Variants in LTBP2 observed in about 807,000 individuals in gnomAD.
LTBP2 encodes latent transforming growth factor beta binding protein 2.
LTBP2 carries 103 observed loss-of-function variants against 210.6 expected under a neutral mutation model. The ratio of observed to expected loss-of-function variants is 0.49; its 90% CI spans 0.42 to 0.58. The LOEUF (loss-of-function observed/expected upper bound fraction) is 0.58. Ranked by LOEUF, LTBP2 falls within the 20% of genes least tolerant of loss-of-function variation. LTBP2 has a pLI of 0.00. For missense variants in LTBP2, 2,313 were observed against 2,494.5 expected (o/e 0.93, Z 1.55); for synonymous variants, 1,007 against 1,015.0 (o/e 0.99, Z 0.15).
At chr14:74,559,091 G>T (rs1045101386) in intron 3 of LTBP2, among the ~76,000 whole-genome samples, 27 of 152,156 alleles carry the variant, frequency 1.8e-4, no homozygotes, top group African/African-American at 6.5e-4. Context: ...TTTTTAAATT[G>T]CAGAAACAAG....
In LTBP2 at chr14:74,586,344, A is replaced by G. The variant is rs1359700496; in HGVS notation, c.566-226T>C. 1.3e-5 allele frequency among the ~76,000 whole-genome samples: 2 copies of G among 152,102 alleles called. No homozygotes were observed. The highest frequency in any genetic ancestry group is 2.9e-5 in the Non-Finnish European group (2 of 68,010). ...TGATCTCTGGACAACCAAAGACTATATGGCCAGCTGCAGAGTGGCTCACAC... is the reference window on the plus strand; with the variant it reads ...TGATCTCTGGACAACCAAAGACTATGTGGCCAGCTGCAGAGTGGCTCACAC... On this transcript the variant is annotated intron_variant, in intron 2 of 35. Transcript: ENST00000261978. The surrounding 1 kb of genome is among the most constrained non-coding windows in gnomAD (Gnocchi z 4.6).
At chr14:74,576,981 A>T (rs755772108) in intron 3 of LTBP2, among the ~76,000 whole-genome samples, 5 of 152,134 alleles carry the variant, frequency 3.3e-5, no homozygotes, top group Admixed American at 6.5e-5. Flanking sequence ...CATTTTACAG[A>T]AAGGGACATT....
chr14:74,552,040 C>T (rs767352901), intron 6 of LTBP2, 147 bp downstream of exon 6: 52 of 715,368 alleles, frequency 7.3e-5, no homozygotes, highest in Non-Finnish European at 1.0e-4. Flanking sequence ...TGAAACTTAG[C>T]GCTGAGGGCC....
intron 1 of LTBP2, among the ~76,000 whole-genome samples, chr14:74,604,781 G>A (rs1566657655): frequency 1.3e-5 from 2 of 152,108 alleles, no homozygotes; most frequent in Admixed American, 1.3e-4. Flanking sequence ...GTGAGCCACT[G>A]CGCCCAGCCC....
intron 3 of LTBP2, among the ~76,000 whole-genome samples, chr14:74,565,581 A>G (rs988242490): frequency 6.6e-6 from 1 of 152,238 alleles, no homozygotes; most frequent in Non-Finnish European, 1.5e-5. Context: ...AACATGAGAA[A>G]TCCAAGAAGT....
chr14:74,555,516 G>A lies in LTBP2; in HGVS notation c.1008C>T (p.Pro336=), dbSNP rs899315981. 4 of 1,613,706 alleles carry A rather than the reference G, an allele frequency of 2.5e-6. No homozygotes were observed. Among genetic ancestry groups the A allele is most frequent in the Non-Finnish European group, 3.4e-6 (4 of 1,179,758 alleles). ...GTQQAVPLEH[P]SSPWGLNLTE... is the part of the protein sequence containing the mutation. ...GGGTATCCTTACCCCAGGGGGATGA[G>A]GGGTGCTCCAGAGGTACCGCCTGTT... is the stretch of plus-strand genomic sequence containing the variant. The change falls in exon 4 of 36, where the codon CCC becomes CCT. Residue 336 remains proline, a synonymous_variant. Coordinates refer to ENST00000261978, the MANE Select transcript of LTBP2 (RefSeq NM_000428.3).
chr14:74,563,676 T>C (rs535749516), intron 3 of LTBP2, among the ~76,000 whole-genome samples: 6 of 152,030 alleles, frequency 3.9e-5, no homozygotes, highest in African/African-American at 1.4e-4. Context: ...TGATATGAAA[T>C]TCAAATTTAA....
In LTBP2 at chr14:74,552,165, GCCCAGCTGTGCCGGCACTCA is replaced by G; in HGVS notation, c.1399+2_1399+21del. The G allele has an allele frequency of 6.3e-7, 1 of 1,575,224 alleles. No individual in the cohort carries two copies. The highest frequency in any genetic ancestry group is 8.6e-7 in the Non-Finnish European group (1 of 1,163,544). ...TGGCACTCCTCCCAGGGTCCCGCCG[GCCCAGCTGTGCCGGCACTCA>G]CCCAGCTGGTTGGAGAGCGGCAGTG... On this transcript the variant is annotated splice_donor_variant and splice_donor_5th_base_variant and intron_variant, in intron 6 of 35. Transcript: ENST00000261978. LOFTEE classifies it high-confidence loss of function.
In LTBP2 at chr14:74,611,734, G is replaced by T; in HGVS notation, c.211C>A (p.Leu71Met). 6.2e-7 allele frequency: 1 copy of T among 1,603,104 alleles called. No individual in the cohort carries two copies. Residue 71 changes from leucine to methionine, a missense_variant, in exon 1 of 36, where the codon CTG becomes ATG. By Grantham distance (15) the Leu-to-Met change is conservative. Around this residue, in one of 3 missense-constraint regions of LTBP2, gnomAD observed 1,867 missense variants for 1,976.9 expected, o/e 0.94. Coordinates refer to ENST00000261978, the MANE Select transcript of LTBP2 (RefSeq NM_000428.3). ...ACAGGCGCGTCCTGCTCCCGGAACA[G>T]ACTGTACACCTTGGCTGCAGCCGCT... ...PAAAAAKVYS[L>M]FREQDAPVAG...
chr14:74,558,325 G>A lies in LTBP2; in HGVS notation c.831-2632C>T, dbSNP rs896557905. On this transcript the variant is annotated intron_variant, in intron 3 of 35. Transcript: ENST00000261978. ...CACGAGAATCGCTTGAACCCAGGAG[G>A]TGGAGGTTGCAGTGAGCCAAGATCA... 1.4e-4 allele frequency among the ~76,000 whole-genome samples: 22 copies of A among 152,328 alleles called. 1 individual carries two copies. The highest frequency in any genetic ancestry group is 5.3e-4 in the African/African-American group (22 of 41,570).
chr14:74,544,769 TC>T (rs1379539672), intron 8 of LTBP2, among the ~76,000 whole-genome samples: 5 of 152,226 alleles, frequency 3.3e-5, no homozygotes, highest in Non-Finnish European at 7.3e-5. Context: ...AAAAATCTGT[TC>T]TTGGTAGTCA....
In LTBP2 at chr14:74,542,452, A is replaced by G. The variant is rs539237786; in HGVS notation, c.1790-6452T>C. Among the ~76,000 whole-genome samples, 118 of 152,206 alleles carry G rather than the reference A, an allele frequency of 7.8e-4. No homozygotes were observed. In the Middle Eastern group the frequency reaches 0.01, roughly 13 times the overall value. ...AGAGTGTCTGGCCACAGGGCTGTTT[A>G]CAAGCTGTGCCAATCTCAGCCTGTG... is the stretch of plus-strand genomic sequence containing the variant. On this transcript the variant is annotated intron_variant, in intron 8 of 35. Coordinates refer to ENST00000261978, the MANE Select transcript of LTBP2 (RefSeq NM_000428.3).
Position 74,506,827 on chromosome 14 carries a change from T to C in LTBP2, c.3908-4A>G. Reference sequence around the variant, plus strand: ...TCGTTGGCGCACTCGTCTATGTCTGTGGGACAGTGGGAACCAGGATAGAGG... The same window carrying C: ...TCGTTGGCGCACTCGTCTATGTCTGCGGGACAGTGGGAACCAGGATAGAGG... On this transcript the variant is annotated splice_region_variant and splice_polypyrimidine_tract_variant and intron_variant, in intron 26 of 35. Coordinates refer to ENST00000261978, the MANE Select transcript of LTBP2 (RefSeq NM_000428.3). 6.2e-7 allele frequency: 1 copy of C among 1,613,710 alleles called. No homozygotes were observed. Among genetic ancestry groups the C allele is most frequent in the Non-Finnish European group, 8.5e-7 (1 of 1,179,950 alleles).
chr14:74,508,528 G>A lies in LTBP2; in HGVS notation c.3652+76C>T. 3 of 1,555,914 alleles carry A rather than the reference G, an allele frequency of 1.9e-6. No individual in the cohort carries two copies. The South Asian group carries it at 3.5e-5, about 18-fold the overall frequency. ...TCTAGTCTTAGCCTGTAGCGCCCAT[G>A]CTCCTGACCAGTAGAGGTAGCTGTG... On this transcript the variant is annotated intron_variant, in intron 24 of 35. Transcript: ENST00000261978.
chr14:74,584,916 C>T (rs980289708), intron 3 of LTBP2, among the ~76,000 whole-genome samples: 2 of 152,148 alleles, frequency 1.3e-5, no homozygotes, highest in Non-Finnish European at 2.9e-5. Flanking sequence ...ACCTCAAGGT[C>T]GGCCTCCTCT....
Position 74,505,067 on chromosome 14 carries a change from G to A in LTBP2, c.4285C>T (p.Arg1429Trp), listed in dbSNP as rs150484024. The change falls in exon 29 of 36, where the codon CGG becomes TGG. Residue 1429 changes from arginine (R) to tryptophan (W), a missense_variant. Transcript: ENST00000261978. Reference protein sequence around the residue: ...GHAPCSSVLGRNTTQAECCCT... With the variant: ...GHAPCSSVLGWNTTQAECCCT... ...CAGCATTCAGCCTGTGTGGTGTTCC[G>A]GCCCAGGACACTGGAGCAGGGCGCA... 98 of 1,614,124 alleles carry A rather than the reference G, an allele frequency of 6.1e-5. No homozygotes were observed. Among genetic ancestry groups the A allele is most frequent in the Non-Finnish European group, 7.5e-5 (89 of 1,180,042 alleles).
rs79407822 is a variant in LTBP2, at chr14:74,573,775, G to T, written c.830+12079C>A. Among the ~76,000 whole-genome samples, 541 of 152,288 alleles carry T rather than the reference G, an allele frequency of 3.6e-3. 4 individuals are homozygous for T. The highest frequency in any genetic ancestry group is 0.013 in the African/African-American group (527 of 41,552). ...CTCTAACTGACCCAGACAAGAAAAA[G>T]TATTTGCTATCGAGTACTGAGCACT... On this transcript the variant is annotated intron_variant, in intron 3 of 35. Coordinates refer to ENST00000261978, the MANE Select transcript of LTBP2 (RefSeq NM_000428.3).
At chr14:74,553,219 G>A (rs1344620495) in intron 4 of LTBP2, among the ~76,000 whole-genome samples, 157 bp from the exon 5 acceptor site, 1 of 152,166 alleles carries the variant, frequency 6.6e-6, no homozygotes, top group Non-Finnish European at 1.5e-5. Context: ...TAGGGGCAAG[G>A]TGATACCTTT....
rs146842763 is a variant in LTBP2 at position 74,543,556 on chromosome 14, T to TCCTC, written c.1789+6306_1789+6307insGAGG. ...CTCCCTTTTTCCTCCCTCCCTCCCTTCCTTCCTCCCTTCCTTCCCCACAGT... is the reference window on the plus strand; with the variant it reads ...CTCCCTTTTTCCTCCCTCCCTCCCTTCCTCCCTTCCTCCCTTCCTTCCCCACAGT... On this transcript the variant is annotated intron_variant, in intron 8 of 35. Transcript: ENST00000261978. 8.3e-4 allele frequency among the ~76,000 whole-genome samples: 123 copies of TCCTC among 148,660 alleles called. 2 individuals are homozygous for TCCTC. Among genetic ancestry groups the TCCTC allele is most frequent in the African/African-American group, 2.9e-3 (117 of 39,878 alleles).
Sources: gnomAD v4.1 joint callset for allele counts (sites outside exome capture counted in the v4.1 genomes callset) on GRCh38, gnomAD v4.1.1 for gene constraint, gnomAD v4.1.1 regional missense constraint, Gnocchi (gnomAD v3.1) non-coding constraint, MANE v1.5 for transcripts, NCBI Gene and HGNC (gene_info 2026-07-23, HGNC 2026-07-21) for gene names.